Variants in ADAM12 observed in about 807,000 individuals in gnomAD.
ADAM12 encodes the protein disintegrin and metalloproteinase domain-containing protein 12.
A neutral mutation model predicts 106.4 loss-of-function variants in ADAM12; 70 were observed. That is an observed-to-expected ratio of 0.66 (90% CI 0.54 to 0.80). The LOEUF (loss-of-function observed/expected upper bound fraction) is 0.80. ADAM12 is among the 30% of genes least tolerant of loss of function. ADAM12 has a pLI of 0.00. For missense variants in ADAM12, 1,010 were observed against 1,171.9 expected (o/e 0.86, Z 2.02); for synonymous variants, 420 against 433.5 (o/e 0.97, Z 0.39).
At chr10:126,024,863 G>T (rs1002545833) in intron 21 of ADAM12, among the ~76,000 whole-genome samples, 1 of 137,856 alleles carries the variant, frequency 7.3e-6, no homozygotes, top group African/African-American at 2.6e-5. Flanking sequence ...AAAAAAAAAA[G>T]CAGGGTGAGG....
intron 3 of ADAM12, among the ~76,000 whole-genome samples, chr10:126,162,895 G>C (rs968121619): frequency 6.6e-6 from 1 of 152,200 alleles, no homozygotes; most frequent in African/African-American, 2.4e-5. Flanking sequence ...AAAGCTGGAG[G>C]TGGGGTCTGG....
chr10:126,108,620 T>C lies in ADAM12; in HGVS notation c.714A>G (p.Leu238=). 2 of 1,614,152 alleles carry C rather than the reference T, an allele frequency of 1.2e-6. No homozygotes were observed. Among genetic ancestry groups the C allele is most frequent in the Non-Finnish European group, 1.7e-6 (2 of 1,179,950 alleles). Residue 238 remains leucine, a synonymous_variant, in exon 8 of 23, where the codon TTA becomes TTG. Coordinates refer to ENST00000448723, the MANE Select transcript of ADAM12 (RefSeq NM_001288973.2). ...GKDLEKVKQR[L]IEIANHVDKF... is the part of the protein sequence containing the mutation. ...TGTCAACGTGATTAGCAATCTCTAT[T>C]AATCGCTGCTTAACTTTTTCCAGAT... is the stretch of plus-strand genomic sequence containing the variant.
At chr10:126,193,733 C>T in intron 3 of ADAM12, among the ~76,000 whole-genome samples, 1 of 152,024 alleles carries the variant, frequency 6.6e-6, no homozygotes, top group East Asian at 1.9e-4. Flanking sequence ...CCCACCTCTA[C>T]TAAAAATACA....
intron 1 of ADAM12, among the ~76,000 whole-genome samples, chr10:126,361,355 A>G (rs912276449): frequency 3.3e-5 from 5 of 152,338 alleles, no homozygotes; most frequent in African/African-American, 1.2e-4. Flanking sequence ...ACATGGCCAT[A>G]CTACCCAAAG....
At chr10:126,376,083 C>A (rs755033143) in intron 1 of ADAM12, among the ~76,000 whole-genome samples, 22 of 150,898 alleles carry the variant, frequency 1.5e-4, no homozygotes, top group Non-Finnish European at 8.9e-5. Context: ...GATATGCTAC[C>A]CAATGAAACA....
At chr10:126,209,148 A>G (rs575652535) in intron 3 of ADAM12, among the ~76,000 whole-genome samples, 1 of 152,326 alleles carries the variant, frequency 6.6e-6, no homozygotes, top group East Asian at 1.9e-4. Context: ...AAATCCTATC[A>G]ACATAGGAGG....
chr10:126,355,500 C>G (rs1855509717), intron 1 of ADAM12, among the ~76,000 whole-genome samples: 1 of 152,160 alleles, frequency 6.6e-6, no homozygotes, highest in Admixed American at 6.5e-5. Context: ...GAGAGACCTG[C>G]CTAGACTACA....
chr10:126,353,571 A>AT lies in ADAM12; in HGVS notation c.89-23063dup, dbSNP rs775513409. The stretch of plus-strand genomic sequence containing the variant: ...AATGCTGTGTTTACATTAGTTTATC[A>AT]TTTTTTCCATTTAGTTTGCTGAGTA... On this transcript the variant is annotated intron_variant, in intron 1 of 22. Coordinates refer to ENST00000448723, the MANE Select transcript of ADAM12 (RefSeq NM_001288973.2). 1.7e-4 allele frequency among the ~76,000 whole-genome samples: 26 copies of AT among 152,284 alleles called. 1 individual carries two copies. The highest frequency in any genetic ancestry group is 5.9e-4 in the Admixed American group (9 of 15,296).
In ADAM12 at chr10:126,354,021, T is replaced by G. The variant is rs1034363497; in HGVS notation, c.89-23512A>C. On this transcript the variant is annotated intron_variant, in intron 1 of 22. Transcript: ENST00000448723. ...GATGCCATATTTGAAATGTTTTTTA[T>G]AATGTTAACAAGCTTTTTTTTTTTT... 7.4e-5 allele frequency among the ~76,000 whole-genome samples: 11 copies of G among 149,578 alleles called. No homozygotes were observed. In the South Asian group the frequency reaches 2.4e-3, roughly 32 times the overall value.
At chr10:126,334,782 C>A (rs1164465812) in intron 1 of ADAM12, among the ~76,000 whole-genome samples, 1 of 152,170 alleles carries the variant, frequency 6.6e-6, no homozygotes, top group Non-Finnish European at 1.5e-5. Flanking sequence ...CCACACCACC[C>A]TGATGCCTAC....
intron 1 of ADAM12, among the ~76,000 whole-genome samples, chr10:126,341,053 C>T (rs1854911855): frequency 1.3e-5 from 2 of 152,008 alleles, no homozygotes; most frequent in African/African-American, 2.4e-5. Context: ...CATAGAATAC[C>T]CTACTCTCAA....
chr10:126,069,385 C>T (rs1425387452), intron 12 of ADAM12, among the ~76,000 whole-genome samples: 1 of 152,168 alleles, frequency 6.6e-6, no homozygotes, highest in East Asian at 1.9e-4. Flanking sequence ...CTTCAAATAT[C>T]AAGAAGTTAT....
intron 14 of ADAM12, among the ~76,000 whole-genome samples, chr10:126,052,401 G>C (rs1954526273): frequency 2.0e-5 from 3 of 152,230 alleles, no homozygotes; most frequent in Admixed American, 1.3e-4. Context: ...GCCATTGCAC[G>C]CAATGCTATT....
intron 13 of ADAM12, 43 bp from the exon 14 acceptor site, chr10:126,065,044 G>A (rs1954839336): frequency 6.4e-7 from 1 of 1,556,288 alleles, no homozygotes. Flanking sequence ...CCCGGGGAAA[G>A]GGAGAGGCAG....
chr10:126,182,358 G>A lies in ADAM12; in HGVS notation c.261-27053C>T, dbSNP rs557694269. Among the ~76,000 whole-genome samples, 19 of 152,128 alleles carry A rather than the reference G, an allele frequency of 1.2e-4. 1 individual carries two copies. Among genetic ancestry groups the A allele is most frequent in the South Asian group, 6.2e-4 (3 of 4,810 alleles). On this transcript the variant is annotated intron_variant, in intron 3 of 22. Transcript: ENST00000448723. ...GGACTAAAAACACATTTATAGTCTC[G>A]TACAAATGGAATTTCCTTAACCAGG... is the stretch of plus-strand genomic sequence containing the variant.
At chr10:126,195,576 C>A (rs61239250) in intron 3 of ADAM12, among the ~76,000 whole-genome samples, 3,004 of 152,106 alleles carry the variant, frequency 0.02, 85 homozygotes, top group East Asian at 0.094. Context: ...CTCCATCCCC[C>A]ACCCAAAAAA....
At chr10:126,361,862 T>G (rs962775545) in intron 1 of ADAM12, among the ~76,000 whole-genome samples, 1 of 152,164 alleles carries the variant, frequency 6.6e-6, no homozygotes, top group Admixed American at 6.5e-5. Flanking sequence ...ATCTACATGA[T>G]GTTGGTCTAT....
chr10:126,144,054 C>G (rs1213941770), intron 4 of ADAM12, among the ~76,000 whole-genome samples: 1 of 152,190 alleles, frequency 6.6e-6, no homozygotes, highest in Admixed American at 6.5e-5. Flanking sequence ...ATGTCCATAA[C>G]AAGAACCATG....
chr10:126,190,618 G>A (rs1414054520), intron 3 of ADAM12, among the ~76,000 whole-genome samples: 2 of 152,168 alleles, frequency 1.3e-5, no homozygotes, highest in Non-Finnish European at 2.9e-5. Flanking sequence ...CTGGTGGGAA[G>A]CAGACAAAAC....
Sources: allele counts gnomAD v4.1 joint callset (sites outside exome capture counted in the v4.1 genomes callset), GRCh38; gene constraint gnomAD v4.1.1; transcripts MANE v1.5; gene names NCBI Gene and HGNC (gene_info 2026-07-23, HGNC 2026-07-21).